Variants in RAB27A observed in about 807,000 individuals in gnomAD.
RAB27A encodes the protein ras-related protein Rab-27A.
A neutral mutation model predicts 20.8 loss-of-function variants in RAB27A; 17 were observed. The observed-to-expected ratio is 0.82, with a 90% CI of 0.56 to 1.23. The LOEUF is 1.23. RAB27A is among the 50% of genes most tolerant of loss of function. The pLI, the probability that RAB27A is intolerant of heterozygous loss-of-function variation, is 0.00. For synonymous variants in RAB27A, 85 were observed against 92.8 expected (o/e 0.92, Z 0.48); for missense variants, 277 against 266.7 (o/e 1.04, Z -0.27).
At chr15:55,256,856 T>C (rs1897097856) in intron 2 of RAB27A, among the ~76,000 whole-genome samples, 2 of 152,182 alleles carry the variant, frequency 1.3e-5, no homozygotes, top group Admixed American at 1.3e-4. Flanking sequence ...TTCTATGCTG[T>C]ATGATTCCAG....
chr15:55,286,365 A>G (rs1170641876), intron 1 of RAB27A, among the ~76,000 whole-genome samples: 2 of 152,176 alleles, frequency 1.3e-5, no homozygotes, highest in Admixed American at 1.3e-4. Context: ...TACCAGTGAA[A>G]GACAAATGTT....
At position 55,227,984 on chromosome 15, in the gene RAB27A, G is replaced by A. The variant is rs10518805; in HGVS notation, c.343+625C>T. Among the ~76,000 whole-genome samples the A allele has an allele frequency of 1.4e-3, 216 of 152,124 alleles. 1 individual carries two copies. The highest frequency in any genetic ancestry group is 5.1e-3 in the African/African-American group (210 of 41,474). ...GTTATGCAGTCAAGTGGCAGAATTCGAAATGGCTATGAACCAATCATTTAG... is the reference window on the plus strand; with the variant it reads ...GTTATGCAGTCAAGTGGCAGAATTCAAAATGGCTATGAACCAATCATTTAG... On this transcript the variant is annotated intron_variant, in intron 5 of 6. Transcript: ENST00000336787.
chr15:55,232,873 C>T (rs541162694), intron 3 of RAB27A, among the ~76,000 whole-genome samples: 24 of 152,260 alleles, frequency 1.6e-4, no homozygotes, highest in South Asian at 8.3e-4. Context: ...TGTAATCCCT[C>T]AGCACTTTGG....
At chr15:55,261,022 TG>T (rs1413481123) in intron 2 of RAB27A, among the ~76,000 whole-genome samples, 4 of 150,458 alleles carry the variant, frequency 2.7e-5, no homozygotes, top group South Asian at 2.1e-4. Flanking sequence ...CTATGCATGT[TG>T]GGGGGTTTGG....
upstream of RAB27A, among the ~76,000 whole-genome samples, chr15:55,293,820 A>G (rs959712137): frequency 2.8e-4 from 42 of 152,130 alleles, no homozygotes; most frequent in African/African-American, 9.6e-4. Context: ...GGGTGGTTGA[A>G]GCGGGAGAAT....
chr15:55,267,870 T>C (rs1482139527), intron 2 of RAB27A, among the ~76,000 whole-genome samples: 1 of 152,178 alleles, frequency 6.6e-6, no homozygotes, highest in African/African-American at 2.4e-5. Flanking sequence ...GACGCCATCC[T>C]GCCAGCCAGC....
At chr15:55,286,350 T>C (rs778751845) in intron 1 of RAB27A, among the ~76,000 whole-genome samples, 1 of 152,170 alleles carries the variant, frequency 6.6e-6, no homozygotes, top group Non-Finnish European at 1.5e-5. Context: ...CTGGAGCTTG[T>C]CTTCTACCAG....
At chr15:55,308,498 C>A (rs1249237059) in intron 2 of RAB27A, among the ~76,000 whole-genome samples, 1 of 152,214 alleles carries the variant, frequency 6.6e-6, no homozygotes, top group Non-Finnish European at 1.5e-5. Flanking sequence ...TTATCACTGA[C>A]CACTGCATAC....
At chr15:55,317,483 T>G in intron 1 of RAB27A, 2 of 304,892 alleles carry the variant, frequency 6.6e-6, no homozygotes, top group Non-Finnish European at 6.0e-6. Flanking sequence ...CCTGGCTGAT[T>G]TTTGTATTTT....
chr15:55,252,557 G>A (rs910604402), intron 2 of RAB27A, among the ~76,000 whole-genome samples: 3 of 152,022 alleles, frequency 2.0e-5, no homozygotes, highest in Non-Finnish European at 4.4e-5. Flanking sequence ...AGCCAAGATC[G>A]CACTACTGTA....
upstream of RAB27A, among the ~76,000 whole-genome samples, chr15:55,292,864 G>A (rs781488655): frequency 4.6e-5 from 7 of 152,186 alleles, no homozygotes; most frequent in Non-Finnish European, 7.3e-5. Context: ...GAGGGCAATA[G>A]GCTTGTTACA....
rs200501538 is a variant in RAB27A at position 55,289,104 on chromosome 15, A to AAG, written c.-143+610_-143+611dup. 8.3e-3 allele frequency: 1,272 copies of AAG among 152,442 alleles called. 19 individuals are homozygous for AAG. The highest frequency in any genetic ancestry group is 0.029 in the African/African-American group (1,208 of 41,576). 9.4% of individuals were successfully genotyped at this position (152,442 alleles called of 1,614,324 possible). A position where few individuals can be genotyped will look rare whatever the true frequency, so the allele number is the denominator to read the frequency against. On this transcript the variant is annotated intron_variant, in intron 1 of 6. Transcript: ENST00000336787. ...GAAGGCTCCTCAGTCCAGGGCTCAC[A>AAG]AGACTCCCTTCGCTTCAGGCCTGAC...
intron 6 of RAB27A, among the ~76,000 whole-genome samples, chr15:55,215,466 C>T (rs1895239424): frequency 6.7e-6 from 1 of 149,544 alleles, no homozygotes; most frequent in Non-Finnish European, 1.5e-5. Flanking sequence ...TCCTGGCTAA[C>T]ACGGTGAAAC....
intron 6 of RAB27A, among the ~76,000 whole-genome samples, chr15:55,210,491 C>T (rs967653616): frequency 6.0e-5 from 9 of 150,068 alleles, no homozygotes; most frequent in Non-Finnish European, 1.2e-4. Flanking sequence ...GAAGTTATCT[C>T]ATTGCAGTTT....
At chr15:55,261,253 C>T (rs1472995256) in intron 2 of RAB27A, among the ~76,000 whole-genome samples, 1 of 149,774 alleles carries the variant, frequency 6.7e-6, no homozygotes, top group East Asian at 2.0e-4. Context: ...AAAAATTAGC[C>T]AGGCGCGGTG....
At chr15:55,242,097 T>A (rs3985771) in intron 2 of RAB27A, among the ~76,000 whole-genome samples, 55,431 of 151,904 alleles carry the variant, frequency 0.36, 11,823 homozygotes, top group Non-Finnish European at 0.48. Flanking sequence ...TCCCCCACTA[T>A]TAGGCAGAAT....
intron 2 of RAB27A, among the ~76,000 whole-genome samples, chr15:55,301,755 C>T (rs1820072843): frequency 6.7e-6 from 1 of 149,432 alleles, no homozygotes; most frequent in Non-Finnish European, 1.5e-5. Flanking sequence ...AAGCAATTCT[C>T]CTCCCTCAAC....
rs192449263 is a variant in RAB27A at position 55,298,353 on chromosome 15, G to A, written c.-112+15686C>T. ...AAAGAGAGAAATTTTAAAGCTGGGC[G>A]ACCGGGGGAGACATCACATGTCGGT... is the stretch of plus-strand genomic sequence containing the variant. On this transcript the variant is annotated intron_variant, in intron 2 of 5. Transcript: ENST00000563262. Among the ~76,000 whole-genome samples the A allele has an allele frequency of 1.8e-4, 28 of 152,204 alleles. No individual in the cohort carries two copies. The East Asian group carries it at 2.5e-3, about 14-fold the overall frequency.
chr15:55,215,363 T>A (rs1895231003), intron 6 of RAB27A, among the ~76,000 whole-genome samples: 1 of 152,052 alleles, frequency 6.6e-6, no homozygotes, highest in African/African-American at 2.4e-5. Context: ...TGGTTAAGAG[T>A]CATAACCGGC....
Sources: allele counts gnomAD v4.1 joint callset (sites outside exome capture counted in the v4.1 genomes callset), GRCh38; gene constraint gnomAD v4.1.1; transcripts MANE v1.5; gene names NCBI Gene and HGNC (gene_info 2026-07-23, HGNC 2026-07-21).